Variants in CIT observed in about 807,000 individuals in gnomAD.
The protein encoded by CIT is citron rho-interacting serine/threonine kinase, also known as citron Rho-interacting kinase.
Under a neutral mutation model 272.7 loss-of-function variants are expected in CIT, and 79 were observed. The observed-to-expected ratio is 0.29, with a 90% CI of 0.24 to 0.35. The LOEUF is 0.35. CIT is among the 10% of genes least tolerant of loss of function. The pLI, the probability that CIT is intolerant of heterozygous loss-of-function variation, is 1.00. For missense variants in CIT, 1,909 were observed against 2,618.3 expected (o/e 0.73, Z 5.91); for synonymous variants, 948 against 995.6 (o/e 0.95, Z 0.90).
At position 119,713,409 on chromosome 12, in the gene CIT, C is replaced by G; in HGVS notation, c.4487+59G>C. ...GAAAAGACACTTCCCTAGAAAACAT[C>G]AGGGACAGAGTGGCTTGTGCCAGCA... On this transcript the variant is annotated intron_variant, in intron 34 of 47. Transcript: ENST00000392521. The surrounding 1 kb of genome is among the most constrained non-coding windows in gnomAD (Gnocchi z 5.2). The G allele has an allele frequency of 6.3e-7, 1 of 1,595,210 alleles. No homozygotes were observed. Among genetic ancestry groups the G allele is most frequent in the Non-Finnish European group, 8.6e-7 (1 of 1,166,016 alleles).
chr12:119,717,119 C>G (rs1474796659), intron 32 of CIT, among the ~76,000 whole-genome samples: 1 of 152,218 alleles, frequency 6.6e-6, no homozygotes, highest in Non-Finnish European at 1.5e-5. Context: ...ATGGCTTTAT[C>G]TTGGCTCACT....
intron 2 of CIT, among the ~76,000 whole-genome samples, chr12:119,873,701 G>T (rs1180655230): frequency 6.6e-6 from 1 of 151,982 alleles, no homozygotes; most frequent in Admixed American, 6.6e-5. Context: ...AATGCTGATG[G>T]GGATGGTCCC....
intron 23 of CIT, among the ~76,000 whole-genome samples, chr12:119,748,202 C>T (rs1959723109): frequency 6.6e-6 from 1 of 152,060 alleles, no homozygotes; most frequent in Admixed American, 6.6e-5. Flanking sequence ...CTTGGGAAAC[C>T]CAGGAGTCCA....
intron 5 of CIT, among the ~76,000 whole-genome samples, chr12:119,838,585 A>G (rs533604055): frequency 2.1e-4 from 32 of 152,190 alleles, no homozygotes; most frequent in African/African-American, 6.8e-4. Context: ...CCCACTGCTG[A>G]GGAGGCTGTG....
intron 28 of CIT, among the ~76,000 whole-genome samples, chr12:119,723,682 A>G (rs1957931211): frequency 6.6e-6 from 1 of 152,232 alleles, no homozygotes. Flanking sequence ...GACCAACAAG[A>G]AAAACTTCAG....
rs754251381 is a variant in CIT at position 119,713,558 on chromosome 12, G to T, written c.4397C>A (p.Ala1466Asp). The T allele has an allele frequency of 1.5e-5, 24 of 1,614,112 alleles. No homozygotes were observed. In the Admixed American group the frequency reaches 1.5e-4, roughly 10 times the overall value. ...PAEYATHFTEAFCRDKMNSPG... is the reference protein window; with the variant it reads ...PAEYATHFTEDFCRDKMNSPG... ...GGAGTTCATTTTGTCACGGCAGAAGGCCTCGGTGAAGTGTGTGGCATATTC... is the reference window on the plus strand; with the variant it reads ...GGAGTTCATTTTGTCACGGCAGAAGTCCTCGGTGAAGTGTGTGGCATATTC... The change falls in exon 34 of 48, where the codon GCC becomes GAC. Residue 1466 changes from alanine to aspartate, a missense_variant. Ala to Asp is a moderately radical substitution (Grantham distance 126, BLOSUM62 -2). Around this residue, in one of 8 missense-constraint regions of CIT, gnomAD observed 780 missense variants for 1,067.2 expected, o/e 0.73. Coordinates refer to ENST00000392521, the MANE Select transcript of CIT (RefSeq NM_001206999.2). The surrounding 1 kb of genome is among the most constrained non-coding windows in gnomAD (Gnocchi z 5.2).
chr12:119,725,232 G>C (rs1958025987), intron 28 of CIT, among the ~76,000 whole-genome samples: 8 of 151,958 alleles, frequency 5.3e-5, no homozygotes. Context: ...AGACAAGCTG[G>C]GCCAACATCG....
chr12:119,703,130 T>G (rs576755612), intron 41 of CIT, among the ~76,000 whole-genome samples: 2 of 152,082 alleles, frequency 1.3e-5, no homozygotes, highest in African/African-American at 4.8e-5. Context: ...GGGAAAACTT[T>G]GAGGAAGCAC....
At chr12:119,856,209 G>A (rs1348260570) in intron 4 of CIT, among the ~76,000 whole-genome samples, 1 of 152,134 alleles carries the variant, frequency 6.6e-6, no homozygotes, top group East Asian at 1.9e-4. Context: ...CCTTCCAGAG[G>A]CCTAAATAAT....
At position 119,770,574 on chromosome 12, in the gene CIT, G is replaced by A. The variant is rs933607734; in HGVS notation, c.2208+211C>T. Among the ~76,000 whole-genome samples the A allele has an allele frequency of 6.7e-6, 1 of 149,304 alleles. No individual in the cohort carries two copies. Among genetic ancestry groups the A allele is most frequent in the Non-Finnish European group, 1.5e-5 (1 of 67,696 alleles). On this transcript the variant is annotated intron_variant, in intron 18 of 47. Transcript: ENST00000392521. The surrounding 1 kb of genome is among the most constrained non-coding windows in gnomAD (Gnocchi z 4.4). ...GGCTGTAGCAAACAGAGCAAAAAACGATATTTACGGATCTGTTACCAGTGC... is the reference window on the plus strand; with the variant it reads ...GGCTGTAGCAAACAGAGCAAAAAACAATATTTACGGATCTGTTACCAGTGC...
At chr12:119,876,311 T>C in intron 1 of CIT, 130 bp from the exon 2 acceptor site, 1 of 582,940 alleles carries the variant, frequency 1.7e-6, no homozygotes. Context: ...TTTAGGAAGC[T>C]CAGTCTAATC....
Position 119,757,410 on chromosome 12 carries a change from G to A in CIT, c.2667C>T (p.Asp889=). 2 of 1,614,134 alleles carry A rather than the reference G, an allele frequency of 1.2e-6. No individual in the cohort carries two copies. Among genetic ancestry groups the A allele is most frequent in the Non-Finnish European group, 1.7e-6 (2 of 1,180,046 alleles). ...LEKISHQDHS[D]KNRLLELETR... ...TCTCCAGTTCCAGCAGCCGATTCTT[G>A]TCACTGTGGTCTTGGTGGCTGATCT... Residue 889 remains aspartate, a synonymous_variant, in exon 22 of 48, where the codon GAC becomes GAT. Coordinates refer to ENST00000392521, the MANE Select transcript of CIT (RefSeq NM_001206999.2).
At chr12:119,843,681 A>T (rs929350750) in intron 5 of CIT, among the ~76,000 whole-genome samples, 14 of 152,138 alleles carry the variant, frequency 9.2e-5, no homozygotes, top group African/African-American at 3.4e-4. Context: ...ATGGTGTTGC[A>T]TGCCTATAAT....
chr12:119,859,850 A>G (rs1275148418), intron 3 of CIT, among the ~76,000 whole-genome samples: 1 of 151,148 alleles, frequency 6.6e-6, no homozygotes, highest in African/African-American at 2.4e-5. Flanking sequence ...TCTGTCGCCC[A>G]GGCTGGAATG....
intron 10 of CIT, among the ~76,000 whole-genome samples, chr12:119,786,517 A>C (rs1964810028): frequency 6.6e-6 from 1 of 152,216 alleles, no homozygotes. Flanking sequence ...AAAGGTTCTT[A>C]TGCACAGAGA....
intron 4 of CIT, among the ~76,000 whole-genome samples, chr12:119,852,888 AGTGT>A (rs965817196): frequency 6.6e-5 from 10 of 152,000 alleles, no homozygotes; most frequent in African/African-American, 2.2e-4. Flanking sequence ...TATGTATATC[AGTGT>A]GTGTGTATCT....
intron 10 of CIT, among the ~76,000 whole-genome samples, chr12:119,791,269 C>T (rs993526206): frequency 6.6e-6 from 1 of 152,096 alleles, no homozygotes; most frequent in Non-Finnish European, 1.5e-5. Flanking sequence ...AAAGGGAGAG[C>T]GGAACATGTG....
At chr12:119,708,537 G>A (rs1956993861) in intron 39 of CIT, among the ~76,000 whole-genome samples, 1 of 151,836 alleles carries the variant, frequency 6.6e-6, no homozygotes, top group African/African-American at 2.4e-5. Flanking sequence ...CCACACTGGA[G>A]TGCAATGGTA....
Position 119,834,172 on chromosome 12 carries a change from G to T in CIT, c.573C>A (p.Asp191Glu). Residue 191 changes from aspartate to glutamate, a missense_variant, in exon 6 of 48, where the codon GAC becomes GAA. By Grantham distance (45) the Asp-to-Glu change is conservative. Transcript: ENST00000392521. Reference protein sequence around the residue: ...DLLSLLNRYEDQLDENLIQFY... With the variant: ...DLLSLLNRYEEQLDENLIQFY... ...ACTGTATCAGGTTTTCATCTAACTG[G>T]TCCTCATATCTATTCAAAAGTGACA... is the stretch of plus-strand genomic sequence containing the variant. The T allele has an allele frequency of 6.2e-7, 1 of 1,613,864 alleles. No individual in the cohort carries two copies. Among genetic ancestry groups the T allele is most frequent in the Non-Finnish European group, 8.5e-7 (1 of 1,179,854 alleles).
Sources: gnomAD v4.1 joint callset for allele counts (sites outside exome capture counted in the v4.1 genomes callset) on GRCh38, gnomAD v4.1.1 for gene constraint, gnomAD v4.1.1 regional missense constraint, Gnocchi (gnomAD v3.1) non-coding constraint, MANE v1.5 for transcripts, NCBI Gene and HGNC (gene_info 2026-07-23, HGNC 2026-07-21) for gene names.